Variants in KCNMA1 observed in about 807,000 individuals in gnomAD.
KCNMA1 encodes the protein potassium calcium-activated channel subfamily M alpha 1.
Under a neutral mutation model 140.0 loss-of-function variants are expected in KCNMA1, and 29 were observed. The observed-to-expected ratio is 0.21, with a 90% CI of 0.15 to 0.28. The LOEUF (loss-of-function observed/expected upper bound fraction) is 0.28. KCNMA1 is among the 10% of genes least tolerant of loss of function. The pLI is 1.00. For synonymous variants in KCNMA1, 612 were observed against 611.9 expected, an observed-to-expected ratio of 1.00 and a Z score of 0.00; for missense variants, 880 against 1,602.2, an observed-to-expected ratio of 0.55 and a Z score of 7.70.
intron 1 of KCNMA1, among the ~76,000 whole-genome samples, chr10:77,405,079 T>A (rs577566757): frequency 6.6e-6 from 1 of 152,294 alleles, no homozygotes; most frequent in Admixed American, 6.5e-5. Context: ...GCTGATTTCA[T>A]CAGATAACTG....
intron 5 of KCNMA1, among the ~76,000 whole-genome samples, chr10:77,164,778 CCT>C (rs1191914969): frequency 2.0e-4 from 31 of 152,202 alleles, no homozygotes; most frequent in African/African-American, 7.2e-4. Flanking sequence ...TATCAGGATC[CCT>C]CTTAGTCCGG....
chr10:77,482,991 TACACACACACACACAC>T (rs56364046), intron 1 of KCNMA1, among the ~76,000 whole-genome samples: 4,315 of 126,734 alleles, frequency 0.034, 181 homozygotes, highest in African/African-American at 0.1. Flanking sequence ...CTCTCTCACA[TACACACACACACACAC>T]ACACACACAC....
chr10:77,347,414 C>T (rs1019239496), intron 2 of KCNMA1, among the ~76,000 whole-genome samples: 2 of 152,180 alleles, frequency 1.3e-5, no homozygotes, highest in African/African-American at 4.8e-5. Context: ...CTCTCTTAAC[C>T]ACATGAAGAG....
intron 3 of KCNMA1, among the ~76,000 whole-genome samples, chr10:77,248,905 T>G (rs1031782220): frequency 2.0e-5 from 3 of 152,162 alleles, no homozygotes; most frequent in African/African-American, 4.8e-5. Context: ...TTGTGCTGAA[T>G]CCACTGATTG....
chr10:77,180,456 A>T (rs1474899658), intron 5 of KCNMA1, among the ~76,000 whole-genome samples: 1 of 152,222 alleles, frequency 6.6e-6, no homozygotes, highest in African/African-American at 2.4e-5. Context: ...CAAAGAACCT[A>T]AAGCATTTCA....
chr10:76,910,013 A>G lies in KCNMA1; in HGVS notation c.3100T>C (p.Cys1034Arg). The change falls in exon 25 of 28, where the codon TGT becomes CGT. Residue 1034 changes from cysteine to arginine, a missense_variant. Coordinates refer to ENST00000286628, the MANE Select transcript of KCNMA1 (RefSeq NM_001161352.2). ...TELYLTQPFA[C>R]GTAFAVSVLD... ...ACACTGACGGCAAATGCTGTCCCAC[A>G]GGCAAAGGGCTGCGTGAGGTACAGT... 6.2e-7 allele frequency: 1 copy of G among 1,614,052 alleles called. No homozygotes were observed. Among genetic ancestry groups the G allele is most frequent in the Non-Finnish European group, 8.5e-7 (1 of 1,179,968 alleles).
intron 5 of KCNMA1, among the ~76,000 whole-genome samples, chr10:77,162,920 T>A (rs1026149450): frequency 6.6e-6 from 1 of 152,224 alleles, no homozygotes; most frequent in African/African-American, 2.4e-5. Context: ...TCGTGACTCA[T>A]CCTCGGAAGA....
intron 2 of KCNMA1, among the ~76,000 whole-genome samples, chr10:77,340,400 G>A (rs1416348073): frequency 6.6e-6 from 1 of 152,132 alleles, no homozygotes; most frequent in Non-Finnish European, 1.5e-5. Context: ...CTGCTATTAA[G>A]ACACATGCAC....
chr10:77,570,073 A>G (rs2154560683), intron 1 of KCNMA1, among the ~76,000 whole-genome samples: 1 of 151,776 alleles, frequency 6.6e-6, no homozygotes, highest in Admixed American at 6.6e-5. Context: ...CAATCATTAA[A>G]AAGTCAGGAA....
intron 2 of KCNMA1, among the ~76,000 whole-genome samples, chr10:77,297,059 G>C (rs1026500374): frequency 2.3e-4 from 35 of 152,098 alleles, no homozygotes; most frequent in African/African-American, 7.7e-4. Context: ...TTGCCTCATT[G>C]CTCCAGAAGC....
chr10:77,217,480 T>C lies in KCNMA1; in HGVS notation c.603-32564A>G, dbSNP rs377639841. On this transcript the variant is annotated intron_variant, in intron 3 of 27. Coordinates refer to ENST00000286628, the MANE Select transcript of KCNMA1 (RefSeq NM_001161352.2). ...TGTATTAAAGGAATAGGAATTACAG[T>C]ACATTTCTGGAGAATATTCTTGGCC... is the stretch of plus-strand genomic sequence containing the variant. 1.9e-4 allele frequency: 85 copies of C among 456,536 alleles called. 1 individual carries two copies. Among genetic ancestry groups the C allele is most frequent in the African/African-American group, 1.4e-3 (69 of 50,080 alleles). 28.3% of individuals were successfully genotyped at this position (456,536 alleles called of 1,614,324 possible). A position where few individuals can be genotyped will look rare whatever the true frequency, so the allele number is the denominator to read the frequency against.
At chr10:77,326,631 G>T (rs2084324354) in intron 2 of KCNMA1, among the ~76,000 whole-genome samples, 1 of 152,046 alleles carries the variant, frequency 6.6e-6, no homozygotes, top group Non-Finnish European at 1.5e-5. Context: ...TGCTTATAGT[G>T]GTCTTGACAA....
At chr10:77,312,211 T>C (rs1216780737) in intron 2 of KCNMA1, among the ~76,000 whole-genome samples, 1 of 152,206 alleles carries the variant, frequency 6.6e-6, no homozygotes, top group Non-Finnish European at 1.5e-5. Context: ...CCAGGAGCCA[T>C]GGACTCCAAT....
rs73288591 is a variant in KCNMA1 at position 76,995,722 on chromosome 10, A to C, written c.2266+5685T>G. The C allele has an allele frequency of 4.2e-3, 1,964 of 469,438 alleles. 35 individuals are homozygous for C. Among genetic ancestry groups the C allele is most frequent in the African/African-American group, 0.034 (1,690 of 50,124 alleles). 29.1% of individuals were successfully genotyped at this position (469,438 alleles called of 1,614,324 possible). On this transcript the variant is annotated intron_variant, in intron 19 of 27. Coordinates refer to ENST00000286628, the MANE Select transcript of KCNMA1 (RefSeq NM_001161352.2). ...GAGAACCGGCCACTGTCCTGAAATA[A>C]AAAAGCAAACATAATTTCTATGTCA...
intron 1 of KCNMA1, among the ~76,000 whole-genome samples, chr10:77,414,109 T>C (rs2096680780): frequency 6.6e-6 from 1 of 152,200 alleles, no homozygotes; most frequent in Non-Finnish European, 1.5e-5. Context: ...CCTTACCATC[T>C]TGTGCCTCAG....
At chr10:77,604,340 G>C (rs2083644605) in intron 1 of KCNMA1, among the ~76,000 whole-genome samples, 1 of 152,156 alleles carries the variant, frequency 6.6e-6, no homozygotes, top group Non-Finnish European at 1.5e-5. Context: ...CATAGTAACA[G>C]AAACTGAAAG....
At chr10:77,149,391 T>C (rs1318598095) in intron 5 of KCNMA1, among the ~76,000 whole-genome samples, 1 of 152,260 alleles carries the variant, frequency 6.6e-6, no homozygotes, top group Non-Finnish European at 1.5e-5. Flanking sequence ...TTCTAAAGTC[T>C]TCAGCTCATG....
rs569970640 is a variant in KCNMA1 at position 77,142,373 on chromosome 10, A to G, written c.809-21325T>C. 2.6e-5 allele frequency among the ~76,000 whole-genome samples: 4 copies of G among 151,908 alleles called. No homozygotes were observed. The South Asian group carries it at 8.3e-4, about 32-fold the overall frequency. ...GTGACAGAGGGAGACTCCATTTAAA[A>G]AAAAAAAAAGAAAAGAAAAGAAAAA... On this transcript the variant is annotated intron_variant, in intron 5 of 27. Transcript: ENST00000286628.
chr10:77,303,866 C>G (rs2077074243), intron 2 of KCNMA1, among the ~76,000 whole-genome samples: 1 of 152,252 alleles, frequency 6.6e-6, no homozygotes, highest in African/African-American at 2.4e-5. Flanking sequence ...AGAACAGACT[C>G]ATTGCAAGAC....
Sources: gnomAD v4.1 joint callset for allele counts (sites outside exome capture counted in the v4.1 genomes callset) on GRCh38, gnomAD v4.1.1 for gene constraint, MANE v1.5 for transcripts, NCBI Gene and HGNC (gene_info 2026-07-23, HGNC 2026-07-21) for gene names.